The following RIC8B variants were observed in gnomAD, a reference collection of about 807,000 sequenced individuals.
RIC8B encodes chaperone Ric-8B.
In RIC8B, 16 loss-of-function variants were observed where a neutral mutation model predicts 57.5. The observed-to-expected ratio is 0.28, with a 90% CI of 0.19 to 0.42. The LOEUF (loss-of-function observed/expected upper bound fraction) is 0.42. RIC8B is among the 10% of genes least tolerant of loss of function. The pLI is 1.00. For synonymous variants in RIC8B, 216 were observed against 250.8 expected, an observed-to-expected ratio of 0.86 and a Z score of 1.31; for missense variants, 481 against 677.0, an observed-to-expected ratio of 0.71 and a Z score of 3.21.
chr12:106,874,748 A>G (rs933524723), intron 9 of RIC8B, among the ~76,000 whole-genome samples: 7 of 152,214 alleles, frequency 4.6e-5, no homozygotes, highest in African/African-American at 1.7e-4. Flanking sequence ...CTAGATTTCC[A>G]AAGATATTGG....
intron 2 of RIC8B, among the ~76,000 whole-genome samples, chr12:106,791,002 T>A (rs1201167529): frequency 6.6e-6 from 1 of 152,222 alleles, no homozygotes; most frequent in Non-Finnish European, 1.5e-5. Context: ...TAGGCACCTA[T>A]AATAAATGCT....
intron 4 of RIC8B, among the ~76,000 whole-genome samples, chr12:106,829,949 C>T (rs1463347597): frequency 6.6e-6 from 1 of 152,166 alleles, no homozygotes; most frequent in Non-Finnish European, 1.5e-5. Context: ...TTAGTTCTCT[C>T]TTTCATCCTG....
intron 4 of RIC8B, among the ~76,000 whole-genome samples, chr12:106,829,937 G>A (rs1300502649): frequency 6.6e-6 from 1 of 152,144 alleles, no homozygotes; most frequent in Non-Finnish European, 1.5e-5. Context: ...TGTTTCTCCT[G>A]ATTAGTTCTC....
intron 2 of RIC8B, 66 bp from the exon 3 acceptor site, chr12:106,814,630 G>A (rs2045489177): frequency 6.8e-7 from 1 of 1,480,080 alleles, no homozygotes; most frequent in Admixed American, 2.2e-5. Flanking sequence ...CATTGGCAGA[G>A]AAACATTCTG....
rs543370120 is a variant in RIC8B at position 106,810,560 on chromosome 12, T to A, written c.133-4136T>A. On this transcript the variant is annotated intron_variant, in intron 2 of 9. Transcript: ENST00000392837. ...TGAGGGCTGAAGTGGTTAGGGAAAATTTTATGTTGAAAGTGGGTTTTAAGC... is the reference window on the plus strand; with the variant it reads ...TGAGGGCTGAAGTGGTTAGGGAAAAATTTATGTTGAAAGTGGGTTTTAAGC... 2.0e-3 allele frequency among the ~76,000 whole-genome samples: 297 copies of A among 152,174 alleles called. 4 individuals are homozygous for A. The highest frequency in any genetic ancestry group is 6.8e-3 in the African/African-American group (281 of 41,510).
At chr12:106,832,259 A>AT (rs1371640034) in intron 4 of RIC8B, among the ~76,000 whole-genome samples, 1 of 151,950 alleles carries the variant, frequency 6.6e-6, no homozygotes, top group African/African-American at 2.4e-5. Flanking sequence ...AATAATCTTC[A>AT]TTTTTTATTT....
At chr12:106,809,350 C>G (rs916359052) in intron 2 of RIC8B, among the ~76,000 whole-genome samples, 2 of 151,830 alleles carry the variant, frequency 1.3e-5, no homozygotes, top group African/African-American at 2.4e-5. Context: ...ATGGCGAAAC[C>G]CCATCTCTAC....
intron 4 of RIC8B, among the ~76,000 whole-genome samples, chr12:106,835,320 T>C (rs1248925163): frequency 6.6e-6 from 1 of 152,202 alleles, no homozygotes; most frequent in African/African-American, 2.4e-5. Context: ...AGAGGCCTTA[T>C]CATTTGCTTT....
At chr12:106,843,468 C>T (rs2136424251) in intron 5 of RIC8B, among the ~76,000 whole-genome samples, 1 of 152,180 alleles carries the variant, frequency 6.6e-6, no homozygotes, top group South Asian at 2.1e-4. Flanking sequence ...AGTTTGTAAG[C>T]TTAGGTAACA....
At chr12:106,873,519 T>C (rs1950536973) in intron 9 of RIC8B, among the ~76,000 whole-genome samples, 1 of 152,138 alleles carries the variant, frequency 6.6e-6, no homozygotes, top group African/African-American at 2.4e-5. Flanking sequence ...TCCACTTTTT[T>C]TTGAGGTAAA....
rs191219905 is a variant in RIC8B, at chr12:106,875,209, G to C, written c.1571+4267G>C. Among the ~76,000 whole-genome samples the C allele has an allele frequency of 1.9e-3, 292 of 152,126 alleles. 2 individuals carry two copies. Among genetic ancestry groups the C allele is most frequent in the African/African-American group, 6.6e-3 (276 of 41,506 alleles). ...ATTCCTTTAATATAGAATGATAACT[G>C]TAATATTTATCAAATATAAACATTT... is the stretch of plus-strand genomic sequence containing the variant. On this transcript the variant is annotated intron_variant, in intron 9 of 9. Transcript: ENST00000392837.
At chr12:106,856,655 T>C (rs117364248) in intron 7 of RIC8B, among the ~76,000 whole-genome samples, 10 of 152,342 alleles carry the variant, frequency 6.6e-5, no homozygotes, top group Non-Finnish European at 1.5e-4. Context: ...ACTTTTGACA[T>C]TTGCTATGTT....
chr12:106,786,552 A>G (rs574047209), intron 2 of RIC8B, among the ~76,000 whole-genome samples: 1 of 152,322 alleles, frequency 6.6e-6, no homozygotes, highest in Non-Finnish European at 1.5e-5. Context: ...GGCAGTGTCT[A>G]CCAAAATTAC....
chr12:106,800,110 A>G (rs546384294), intron 2 of RIC8B, among the ~76,000 whole-genome samples: 15 of 152,260 alleles, frequency 9.9e-5, no homozygotes, highest in African/African-American at 3.6e-4. Context: ...TAATCCCAAG[A>G]GACCGGGGCC....
At chr12:106,823,705 A>T (rs1490196401) in intron 3 of RIC8B, among the ~76,000 whole-genome samples, 1 of 146,690 alleles carries the variant, frequency 6.8e-6, no homozygotes, top group East Asian at 2.0e-4. Flanking sequence ...TTTTTTTGAG[A>T]CGGAGTTTAG....
At chr12:106,884,828 C>G (rs1293159739) in intron 9 of RIC8B, among the ~76,000 whole-genome samples, 4 of 152,176 alleles carry the variant, frequency 2.6e-5, no homozygotes, top group African/African-American at 7.2e-5. Context: ...CAGGAGGGAG[C>G]CCTTCTTTCT....
chr12:106,799,540 T>C (rs1329119984), intron 2 of RIC8B, among the ~76,000 whole-genome samples: 2 of 152,216 alleles, frequency 1.3e-5, no homozygotes, highest in East Asian at 3.8e-4. Flanking sequence ...CTATACTGTT[T>C]CAATTAAGTC....
chr12:106,779,698 T>C (rs1021211782), intron 1 of RIC8B, among the ~76,000 whole-genome samples: 4 of 149,790 alleles, frequency 2.7e-5, no homozygotes, highest in East Asian at 1.9e-4. Context: ...TTTTTTTTTT[T>C]CAGATATTTT....
chr12:106,853,451 G>GTTTTTTTTTTTTTTTTT (rs1949563485), intron 7 of RIC8B, among the ~76,000 whole-genome samples: 1 of 51,808 alleles, frequency 1.9e-5, no homozygotes, highest in African/African-American at 8.3e-5. Flanking sequence ...CTGCTTTATA[G>GTTTTTTTTTTTTTTTTT]TCTTTTTTTT....
Sources: allele counts gnomAD v4.1 joint callset (sites outside exome capture counted in the v4.1 genomes callset), GRCh38; gene constraint gnomAD v4.1.1; transcripts MANE v1.5; gene names NCBI Gene and HGNC (gene_info 2026-07-23, HGNC 2026-07-21).